The following ROBO2 variants were observed in gnomAD, a reference collection of about 807,000 sequenced individuals.
ROBO2 encodes the protein roundabout guidance receptor 2.
In ROBO2, 53 loss-of-function variants were observed where a neutral mutation model predicts 160.8. The observed-to-expected ratio is 0.33, with a 90% CI of 0.26 to 0.41. The LOEUF is 0.41. Among genes scored for constraint, ROBO2 ranks in the 10% least tolerant of loss-of-function variants. The pLI, the probability that ROBO2 is intolerant of heterozygous loss-of-function variation, is 1.00. For synonymous variants in ROBO2, 664 were observed against 611.7 expected (o/e 1.09, Z -1.26); for missense variants, 1,577 against 1,722.4 (o/e 0.92, Z 1.49).
At chr3:76,836,038 T>C (rs528507186) in intron 2 of ROBO2, among the ~76,000 whole-genome samples, 5 of 152,186 alleles carry the variant, frequency 3.3e-5, no homozygotes. Flanking sequence ...TACTATATTT[T>C]GATGATACCA....
intron 2 of ROBO2, among the ~76,000 whole-genome samples, chr3:77,099,407 G>A (rs1161577509): frequency 2.6e-5 from 4 of 151,982 alleles, no homozygotes; most frequent in African/African-American, 9.7e-5. Context: ...TGGAACCCCC[G>A]GATGCTGGAA....
At chr3:77,555,715 A>G (rs1458633057) in intron 8 of ROBO2, among the ~76,000 whole-genome samples, 3 of 151,950 alleles carry the variant, frequency 2.0e-5, no homozygotes, top group Non-Finnish European at 4.4e-5. Context: ...TCACATCATG[A>G]TCTTATATGA....
At chr3:76,629,977 C>G (rs2089921759) in intron 2 of ROBO2, among the ~76,000 whole-genome samples, 1 of 152,176 alleles carries the variant, frequency 6.6e-6, no homozygotes, top group Non-Finnish European at 1.5e-5. Flanking sequence ...CTTTCTCCAT[C>G]TCTTTTGACA....
intron 2 of ROBO2, among the ~76,000 whole-genome samples, chr3:76,232,874 A>G (rs571712802): frequency 6.6e-6 from 1 of 152,248 alleles, no homozygotes; most frequent in African/African-American, 2.4e-5. Context: ...CCAGCCTTTT[A>G]TCTCACAGAG....
intron 2 of ROBO2, among the ~76,000 whole-genome samples, chr3:76,235,027 G>A (rs1190335235): frequency 6.6e-6 from 1 of 152,104 alleles, no homozygotes; most frequent in African/African-American, 2.4e-5. Flanking sequence ...AAGATGTCGT[G>A]AAAACATTTT....
chr3:76,013,820 C>G (rs1235603289), intron 2 of ROBO2, among the ~76,000 whole-genome samples: 7 of 149,524 alleles, frequency 4.7e-5, no homozygotes, highest in Non-Finnish European at 8.9e-5. Flanking sequence ...AGGCTGGGCA[C>G]AGTGGCTTAT....
chr3:77,076,354 A>G (rs2068000196), intron 1 of ROBO2, among the ~76,000 whole-genome samples: 1 of 152,160 alleles, frequency 6.6e-6, no homozygotes, highest in African/African-American at 2.4e-5. Context: ...CCTAATTCAA[A>G]TATTTAAAAC....
At chr3:76,765,137 C>T (rs1157290009) in intron 2 of ROBO2, among the ~76,000 whole-genome samples, 1 of 151,654 alleles carries the variant, frequency 6.6e-6, no homozygotes, top group Non-Finnish European at 1.5e-5. Flanking sequence ...GTTGGATTCT[C>T]AGTATCTTGA....
chr3:76,707,521 C>T (rs2107550169), intron 2 of ROBO2, among the ~76,000 whole-genome samples: 1 of 151,956 alleles, frequency 6.6e-6, no homozygotes, highest in African/African-American at 2.4e-5. Context: ...TGGCCTCATA[C>T]CACACTGGAG....
At chr3:76,026,452 C>T (rs1045550242) in intron 2 of ROBO2, among the ~76,000 whole-genome samples, 3 of 151,954 alleles carry the variant, frequency 2.0e-5, no homozygotes, top group Non-Finnish European at 4.4e-5. Context: ...TCTTGAATTA[C>T]TGGAGTGAGG....
chr3:76,813,376 A>G (rs2065369846), intron 2 of ROBO2, among the ~76,000 whole-genome samples: 1 of 152,108 alleles, frequency 6.6e-6, no homozygotes. Flanking sequence ...TTTAATCATC[A>G]GATAATTTTG....
At chr3:75,969,273 G>A (rs1399519307) in intron 2 of ROBO2, among the ~76,000 whole-genome samples, 1 of 151,036 alleles carries the variant, frequency 6.6e-6, no homozygotes, top group Non-Finnish European at 1.5e-5. Flanking sequence ...CAATAAACAT[G>A]GGAATACAGA....
At chr3:76,837,618 G>A (rs1018053109) in intron 2 of ROBO2, among the ~76,000 whole-genome samples, 3 of 150,800 alleles carry the variant, frequency 2.0e-5, no homozygotes, top group African/African-American at 7.3e-5. Flanking sequence ...TATTATGCTT[G>A]TTTTGGCATC....
chr3:76,797,063 AC>A (rs111307643), intron 2 of ROBO2, among the ~76,000 whole-genome samples: 28 of 152,264 alleles, frequency 1.8e-4, no homozygotes, highest in African/African-American at 6.0e-4. Flanking sequence ...CAACAAAAAA[AC>A]ATTGGATCTA....
chr3:76,989,024 T>G (rs1409573499), intron 2 of ROBO2, among the ~76,000 whole-genome samples: 1 of 150,378 alleles, frequency 6.6e-6, no homozygotes, highest in East Asian at 1.9e-4. Context: ...TTCATATGTA[T>G]TATCTCCCTA....
In ROBO2 at chr3:77,365,497, T is replaced by A. The variant is rs137878540; in HGVS notation, c.389-111917T>A. 3.2e-3 allele frequency among the ~76,000 whole-genome samples: 493 copies of A among 152,286 alleles called. 3 individuals carry two copies. The highest frequency in any genetic ancestry group is 0.011 in the African/African-American group (463 of 41,566). Reference sequence around the variant, plus strand: ...ACATTTACACCAGTCTGGTAGATTATTGGTCCCTTCAGAAGCGATAGTATA... The same window carrying A: ...ACATTTACACCAGTCTGGTAGATTAATGGTCCCTTCAGAAGCGATAGTATA... On this transcript the variant is annotated intron_variant, in intron 2 of 25. Coordinates refer to ENST00000461745, the Ensembl canonical transcript of ROBO2.
At chr3:76,899,055 C>T (rs181759989) in intron 2 of ROBO2, among the ~76,000 whole-genome samples, 1 of 152,116 alleles carries the variant, frequency 6.6e-6, no homozygotes, top group African/African-American at 2.4e-5. Context: ...CCAAAATCAC[C>T]AGTACCGGAT....
chr3:76,518,051 C>A (rs2081424521), intron 2 of ROBO2, among the ~76,000 whole-genome samples: 1 of 151,966 alleles, frequency 6.6e-6, no homozygotes, highest in Non-Finnish European at 1.5e-5. Context: ...GAGACATTGG[C>A]ATTAGATTTA....
chr3:76,886,429 A>C (rs1235300984), intron 2 of ROBO2, among the ~76,000 whole-genome samples: 1 of 151,962 alleles, frequency 6.6e-6, no homozygotes, highest in African/African-American at 2.4e-5. Flanking sequence ...GGTTGCAAAC[A>C]CAATAAAGAT....
Sources: gnomAD v4.1 joint callset for allele counts (sites outside exome capture counted in the v4.1 genomes callset) on GRCh38, gnomAD v4.1.1 for gene constraint, MANE v1.5 for transcripts, NCBI Gene and HGNC (gene_info 2026-07-23, HGNC 2026-07-21) for gene names.